RAB3C: variants seen among roughly 807,000 people sequenced by gnomAD.
The protein encoded by RAB3C is ras-related protein Rab-3C.
A neutral mutation model predicts 26.4 loss-of-function variants in RAB3C; 17 were observed. The observed-to-expected ratio is 0.64, with a 90% CI of 0.44 to 0.97. The LOEUF is 0.97. RAB3C is among the 50% of genes least tolerant of loss of function. The pLI, the probability that RAB3C is intolerant of heterozygous loss-of-function variation, is 0.00. For synonymous variants in RAB3C, 91 were observed against 95.9 expected (o/e 0.95, Z 0.30); for missense variants, 242 against 281.9 (o/e 0.86, Z 1.01).
chr5:58,641,552 T>C (rs1747412815), intron 2 of RAB3C, among the ~76,000 whole-genome samples: 1 of 152,240 alleles, frequency 6.6e-6, no homozygotes, highest in Admixed American at 6.5e-5. Flanking sequence ...CTGGCACCCA[T>C]GATGGGAGCA....
intron 3 of RAB3C, among the ~76,000 whole-genome samples, chr5:58,734,520 G>A (rs1365552091): frequency 6.6e-6 from 1 of 152,188 alleles, no homozygotes; most frequent in Non-Finnish European, 1.5e-5. Context: ...ATTTCTTATT[G>A]CTGGTCGGAC....
chr5:58,689,290 G>A (rs1476932204), intron 2 of RAB3C: 3 of 151,884 alleles, frequency 2.0e-5, no homozygotes, highest in African/African-American at 7.3e-5. Flanking sequence ...CCTGCTCCCT[G>A]GTGCCAACAC....
In RAB3C at chr5:58,746,211, G is replaced by T. The variant is rs569384731; in HGVS notation, c.371+20091G>T. 2.6e-5 allele frequency among the ~76,000 whole-genome samples: 4 copies of T among 152,258 alleles called. No homozygotes were observed. The East Asian group carries it at 7.7e-4, about 29-fold the overall frequency. On this transcript the variant is annotated intron_variant, in intron 3 of 4. Transcript: ENST00000282878. ...AGAAGGGTCTTTTTGTTCCTTTGCT[G>T]AAGCAAAGGAAACTACCTCTCACTC...
chr5:58,820,277 A>C (rs187361681), intron 3 of RAB3C, among the ~76,000 whole-genome samples: 1 of 152,082 alleles, frequency 6.6e-6, no homozygotes, highest in Non-Finnish European at 1.5e-5. Flanking sequence ...AGAAGCTGAC[A>C]TAATTTAATT....
chr5:58,840,794 G>A (rs529865980), intron 4 of RAB3C, among the ~76,000 whole-genome samples: 17 of 152,228 alleles, frequency 1.1e-4, no homozygotes, highest in African/African-American at 3.4e-4. Flanking sequence ...GGCTTTGTAG[G>A]ATTGGGGTTG....
rs1741434531 is a variant in RAB3C, at chr5:58,747,942, C to A, written c.371+21822C>A. 3.9e-5 allele frequency among the ~76,000 whole-genome samples: 6 copies of A among 152,064 alleles called. No individual in the cohort carries two copies. In the South Asian group the frequency reaches 8.3e-4, roughly 21 times the overall value. On this transcript the variant is annotated intron_variant, in intron 3 of 4. Coordinates refer to ENST00000282878, the MANE Select transcript of RAB3C (RefSeq NM_138453.4). ...GATTCTTTTAGGCATTTAAATAGTA[C>A]ATTTAGAGTCGTCTTTGGGGAAAAG...
intron 3 of RAB3C, among the ~76,000 whole-genome samples, chr5:58,766,740 C>T (rs939703328): frequency 1.3e-5 from 2 of 152,082 alleles, no homozygotes; most frequent in African/African-American, 4.8e-5. Context: ...AAGGTTTAAT[C>T]GGAGCCTTCG....
intron 3 of RAB3C, among the ~76,000 whole-genome samples, chr5:58,727,582 G>C (rs975285723): frequency 6.6e-6 from 1 of 152,012 alleles, no homozygotes; most frequent in East Asian, 1.9e-4. Context: ...ATCTATATGA[G>C]GATATAGTTG....
Position 58,855,312 on chromosome 5 carries a change from C to T in RAB3C, c.*3961C>T, listed in dbSNP as rs1744231974. ...AAAACCCTTCTAGACCAAAAAGTTACTGTGTGTTTGTTAATAATCTTCATA... is the reference window on the plus strand; with the variant it reads ...AAAACCCTTCTAGACCAAAAAGTTATTGTGTGTTTGTTAATAATCTTCATA... On this transcript the variant is annotated 3_prime_UTR_variant, in exon 5 of 5. Transcript: ENST00000282878. 6.6e-6 allele frequency: 1 copy of T among 152,180 alleles called. No homozygotes were observed. The highest frequency in any genetic ancestry group is 1.5e-5 in the Non-Finnish European group (1 of 68,032). The allele number at this position is 152,180 out of a possible 1,614,324, so 9.4% of individuals were successfully genotyped here.
At chr5:58,709,481 C>T (rs531892613) in intron 2 of RAB3C, among the ~76,000 whole-genome samples, 16 of 152,174 alleles carry the variant, frequency 1.1e-4, no homozygotes, top group Admixed American at 7.9e-4. Flanking sequence ...ATGATCAGGC[C>T]GCAGTTCTCC....
chr5:58,730,583 A>G (rs1481022190), intron 3 of RAB3C, among the ~76,000 whole-genome samples: 1 of 152,086 alleles, frequency 6.6e-6, no homozygotes, highest in East Asian at 1.9e-4. Context: ...ATCTAGCAAA[A>G]AGAAAAATTA....
At chr5:58,790,837 A>G (rs991233139) in intron 3 of RAB3C, among the ~76,000 whole-genome samples, 11 of 152,150 alleles carry the variant, frequency 7.2e-5, no homozygotes, top group Non-Finnish European at 1.2e-4. Context: ...CCATTGGCCC[A>G]CATAACTGAA....
At chr5:58,792,336 A>G (rs1368730200) in intron 3 of RAB3C, among the ~76,000 whole-genome samples, 1 of 152,224 alleles carries the variant, frequency 6.6e-6, no homozygotes, top group Non-Finnish European at 1.5e-5. Flanking sequence ...TAACAGCCCT[A>G]TGGCTATGGG....
intron 4 of RAB3C, among the ~76,000 whole-genome samples, chr5:58,831,010 G>T (rs1743602405): frequency 1.3e-5 from 2 of 152,002 alleles, no homozygotes; most frequent in South Asian, 4.2e-4. Flanking sequence ...CAAGCAACTG[G>T]AACTATAGGC....
intron 2 of RAB3C, among the ~76,000 whole-genome samples, chr5:58,716,228 TAG>T (rs1263786741): frequency 1.3e-5 from 2 of 152,194 alleles, no homozygotes; most frequent in Middle Eastern, 3.4e-3. Flanking sequence ...ACAATTTCAG[TAG>T]AGTCTTAGCA....
At chr5:58,624,423 G>A (rs1747010490) in intron 2 of RAB3C, among the ~76,000 whole-genome samples, 1 of 152,202 alleles carries the variant, frequency 6.6e-6, no homozygotes, top group South Asian at 2.1e-4. Context: ...GCCCCTGTTT[G>A]AGCAGAGGTG....
intron 3 of RAB3C, among the ~76,000 whole-genome samples, chr5:58,747,733 TTA>T (rs563075775): frequency 3.3e-5 from 5 of 151,168 alleles, no homozygotes; most frequent in African/African-American, 9.7e-5. Flanking sequence ...AGATATGATT[TTA>T]TATATATATG....
chr5:58,657,566 G>A (rs1332139119), intron 2 of RAB3C, among the ~76,000 whole-genome samples: 1 of 152,130 alleles, frequency 6.6e-6, no homozygotes, highest in African/African-American at 2.4e-5. Context: ...CAGATCCGCA[G>A]GAAGGTCACT....
chr5:58,699,602 G>C (rs1322370593), intron 2 of RAB3C, among the ~76,000 whole-genome samples: 1 of 152,188 alleles, frequency 6.6e-6, no homozygotes, highest in Non-Finnish European at 1.5e-5. Flanking sequence ...AGGCCTTGTT[G>C]AGCTAAGGTG....
Sources: gnomAD v4.1 joint callset for allele counts (sites outside exome capture counted in the v4.1 genomes callset) on GRCh38, gnomAD v4.1.1 for gene constraint, MANE v1.5 for transcripts, NCBI Gene and HGNC (gene_info 2026-07-23, HGNC 2026-07-21) for gene names.